Variants in SUSD4 observed in about 807,000 individuals in gnomAD.
SUSD4 encodes sushi domain-containing protein 4.
Under a neutral mutation model 50.5 loss-of-function variants are expected in SUSD4, and 41 were observed. The observed-to-expected ratio is 0.81, with a 90% CI of 0.63 to 1.05. SUSD4 has a LOEUF of 1.05. SUSD4 is among the 50% of genes least tolerant of loss of function. SUSD4 has a pLI of 0.00. For missense variants in SUSD4, 580 were observed against 634.7 expected, an observed-to-expected ratio of 0.91 and a Z score of 0.93; for synonymous variants, 257 against 257.3, an observed-to-expected ratio of 1.00 and a Z score of 0.01.
intron 2 of SUSD4, among the ~76,000 whole-genome samples, chr1:223,301,400 T>C (rs1665185300): frequency 6.6e-6 from 1 of 152,214 alleles, no homozygotes. Context: ...TTCCTGGGGA[T>C]GAAAGGTATT....
intron 2 of SUSD4, among the ~76,000 whole-genome samples, chr1:223,317,314 T>C (rs1666258997): frequency 6.6e-6 from 1 of 152,202 alleles, no homozygotes; most frequent in Non-Finnish European, 1.5e-5. Context: ...CTATATGGCC[T>C]TAAAAGGGGA....
intron 5 of SUSD4, among the ~76,000 whole-genome samples, chr1:223,257,945 T>C (rs1348000283): frequency 1.3e-5 from 2 of 152,176 alleles, no homozygotes; most frequent in Non-Finnish European, 2.9e-5. Context: ...GACTCCTCTT[T>C]ATGTCTGAAG....
intron 5 of SUSD4, among the ~76,000 whole-genome samples, chr1:223,241,493 C>T (rs1660580247): frequency 6.6e-6 from 1 of 152,184 alleles, no homozygotes; most frequent in Non-Finnish European, 1.5e-5. Context: ...CCGTGACTCT[C>T]TTTACTTTTC....
At chr1:223,260,377 A>C (rs1199096050) in intron 5 of SUSD4, among the ~76,000 whole-genome samples, 3 of 152,272 alleles carry the variant, frequency 2.0e-5, no homozygotes, top group Admixed American at 6.5e-5. Flanking sequence ...TTAGCACTTA[A>C]CAATGAGAAA....
chr1:223,333,647 G>C (rs1442477113), intron 2 of SUSD4, among the ~76,000 whole-genome samples: 3 of 152,182 alleles, frequency 2.0e-5, no homozygotes, highest in African/African-American at 7.2e-5. Context: ...GGTTAAGTAG[G>C]GGGCACCCTT....
chr1:223,362,710 C>T (rs1168397354), intron 2 of SUSD4, among the ~76,000 whole-genome samples: 1 of 152,220 alleles, frequency 6.6e-6, no homozygotes, highest in African/African-American at 2.4e-5. Flanking sequence ...TCTGCACCTC[C>T]TCCACGCCCC....
intron 5 of SUSD4, among the ~76,000 whole-genome samples, chr1:223,250,468 C>T (rs1377707990): frequency 6.6e-6 from 1 of 152,136 alleles, no homozygotes; most frequent in Admixed American, 6.5e-5. Context: ...GGAATTGAGG[C>T]TGAGAAAGAT....
At chr1:223,294,639 C>A (rs765814101) in intron 2 of SUSD4, among the ~76,000 whole-genome samples, 3 of 152,256 alleles carry the variant, frequency 2.0e-5, no homozygotes, top group Non-Finnish European at 2.9e-5. Flanking sequence ...AAAAGCCATT[C>A]GAAGGCAGGA....
chr1:223,325,843 A>G (rs533302656), intron 2 of SUSD4, among the ~76,000 whole-genome samples: 1 of 152,232 alleles, frequency 6.6e-6, no homozygotes, highest in African/African-American at 2.4e-5. Context: ...ACGGAGAACT[A>G]TAAAACACTG....
chr1:223,279,564 G>A (rs1663538837), intron 3 of SUSD4, among the ~76,000 whole-genome samples: 1 of 152,164 alleles, frequency 6.6e-6, no homozygotes, highest in South Asian at 2.1e-4. Flanking sequence ...AACGAACAAA[G>A]CCTCCAAGAA....
chr1:223,223,460 G>A lies in SUSD4; in HGVS notation c.1233C>T (p.Pro411=), dbSNP rs752830600. 72 of 1,614,054 alleles carry A rather than the reference G, an allele frequency of 4.5e-5. No individual in the cohort carries two copies. The East Asian group carries it at 1.1e-3, about 24-fold the overall frequency. ...GCPLPVDDQS[P]PAYPGSGDTD... The stretch of plus-strand genomic sequence containing the variant: ...TGTCCCCTGAGCCGGGGTATGCTGG[G>A]GGGCTCTGGTCGTCCACGGGTAAGG... Residue 411 remains proline (P), a synonymous_variant, in exon 8 of 9, where the codon CCC becomes CCT. Coordinates refer to ENST00000366878, the MANE Select transcript of SUSD4 (RefSeq NM_017982.4).
chr1:223,355,235 A>C (rs1293896529), intron 2 of SUSD4, among the ~76,000 whole-genome samples: 1 of 151,968 alleles, frequency 6.6e-6, no homozygotes, highest in Non-Finnish European at 1.5e-5. Flanking sequence ...CACCATGCCC[A>C]GCTAATTTTT....
intron 2 of SUSD4, among the ~76,000 whole-genome samples, chr1:223,323,344 G>T (rs1454972282): frequency 6.6e-6 from 1 of 152,192 alleles, no homozygotes; most frequent in Non-Finnish European, 1.5e-5. Flanking sequence ...GATTATGGGT[G>T]CATGAAACCA....
At chr1:223,334,850 C>A (rs180888230) in intron 2 of SUSD4, among the ~76,000 whole-genome samples, 167 of 152,212 alleles carry the variant, frequency 1.1e-3, no homozygotes, top group African/African-American at 3.2e-3. Context: ...CCCCTTCCTA[C>A]CCTTTCCCCG....
At chr1:223,336,207 G>A (rs1219646428) in intron 2 of SUSD4, among the ~76,000 whole-genome samples, 1 of 152,074 alleles carries the variant, frequency 6.6e-6, no homozygotes, top group Non-Finnish European at 1.5e-5. Flanking sequence ...GCCCGCCTTG[G>A]CCTCCCAAAG....
intron 2 of SUSD4, among the ~76,000 whole-genome samples, chr1:223,303,046 G>A (rs1665290981): frequency 6.6e-6 from 1 of 152,268 alleles, no homozygotes; most frequent in Non-Finnish European, 1.5e-5. Context: ...TACTCAGGAG[G>A]CTGAAGTGGG....
chr1:223,355,391 G>A (rs111402171), intron 2 of SUSD4, among the ~76,000 whole-genome samples: 3 of 151,816 alleles, frequency 2.0e-5, no homozygotes, highest in East Asian at 1.9e-4. Context: ...GCTAATTTTT[G>A]TACTTTTGGT....
At chr1:223,305,299 C>T (rs759444801) in intron 2 of SUSD4, among the ~76,000 whole-genome samples, 5 of 152,086 alleles carry the variant, frequency 3.3e-5, no homozygotes, top group Non-Finnish European at 7.4e-5. Context: ...CTTCAAAGAA[C>T]CCCCTGATTT....
intron 5 of SUSD4, among the ~76,000 whole-genome samples, chr1:223,233,328 G>A (rs1660011585): frequency 6.6e-6 from 1 of 152,144 alleles, no homozygotes; most frequent in South Asian, 2.1e-4. Context: ...TGAGGGTAGG[G>A]GGTGGGAGCG....
Sources: allele counts gnomAD v4.1 joint callset (sites outside exome capture counted in the v4.1 genomes callset), GRCh38; gene constraint gnomAD v4.1.1; transcripts MANE v1.5; gene names NCBI Gene and HGNC (gene_info 2026-07-23, HGNC 2026-07-21).